The following SNTG1 variants were observed in gnomAD, a reference collection of about 807,000 sequenced individuals.
SNTG1 encodes syntrophin gamma 1.
SNTG1 carries 39 observed loss-of-function variants against 74.7 expected under a neutral mutation model. The ratio of observed to expected loss-of-function variants is 0.52; its 90% CI spans 0.40 to 0.68. SNTG1 has a LOEUF of 0.68. Among genes scored for constraint, SNTG1 ranks in the 30% least tolerant of loss-of-function variants. The probability of loss-of-function intolerance (pLI) is 0.00; values close to 1 mark genes in which losing one functional copy is unlikely to be tolerated. For missense variants in SNTG1, 685 were observed against 609.5 expected, an observed-to-expected ratio of 1.12 and a Z score of -1.30; for synonymous variants, 254 against 217.1, an observed-to-expected ratio of 1.17 and a Z score of -1.49.
At chr8:50,128,354 G>T (rs917943967) in intron 1 of SNTG1, among the ~76,000 whole-genome samples, 3 of 152,058 alleles carry the variant, frequency 2.0e-5, no homozygotes, top group African/African-American at 4.8e-5. Context: ...TGTAACAATG[G>T]TTCTTGTCTT....
intron 2 of SNTG1, among the ~76,000 whole-genome samples, chr8:50,202,559 T>G (rs1369633718): frequency 6.6e-6 from 1 of 152,194 alleles, no homozygotes; most frequent in Non-Finnish European, 1.5e-5. Flanking sequence ...ACTGTTCTAT[T>G]GCACAGATGA....
intron 2 of SNTG1, among the ~76,000 whole-genome samples, chr8:50,300,865 T>C (rs1388636877): frequency 6.6e-6 from 1 of 152,174 alleles, no homozygotes. Context: ...GACGTTTTTA[T>C]TTTCTTTTAA....
At chr8:50,304,448 G>A (rs1400444851) in intron 2 of SNTG1, among the ~76,000 whole-genome samples, 1 of 151,882 alleles carries the variant, frequency 6.6e-6, no homozygotes, top group African/African-American at 2.4e-5. Flanking sequence ...TAATTTTTTG[G>A]ATTAACTATA....
rs548382925 is a variant in SNTG1, at chr8:50,008,619, G to A, written c.-103+96388G>A. Among the ~76,000 whole-genome samples the A allele has an allele frequency of 2.1e-3, 325 of 152,244 alleles. 1 individual carries two copies. Among genetic ancestry groups the A allele is most frequent in the African/African-American group, 7.6e-3 (316 of 41,542 alleles). ...TGATGGATAGACAAATGGATGGATA[G>A]GAAACTGGGTGGATAAGAAACAAAG... is the stretch of plus-strand genomic sequence containing the variant. On this transcript the variant is annotated intron_variant, in intron 1 of 18. Coordinates refer to ENST00000642720, the MANE Select transcript of SNTG1 (RefSeq NM_018967.5).
chr8:50,795,869 CT>C lies in SNTG1; in HGVS notation c.*3046del, dbSNP rs1345726707. 6.6e-6 allele frequency: 1 copy of C among 151,974 alleles called. No homozygotes were observed. Among genetic ancestry groups the C allele is most frequent in the East Asian group, 1.9e-4 (1 of 5,180 alleles). The allele number at this position is 151,974 out of a possible 1,614,324, so 9.4% of individuals were successfully genotyped here. A position where few individuals can be genotyped will look rare whatever the true frequency, so the allele number is the denominator to read the frequency against. On this transcript the variant is annotated 3_prime_UTR_variant, in exon 19 of 19. Coordinates refer to ENST00000642720, the MANE Select transcript of SNTG1 (RefSeq NM_018967.5). ...AATGTATATCTGAACACTTATCCAG[CT>C]TTTTTAAAATGGGAGGATAATCAGG...
At chr8:50,176,709 G>C (rs940097567) in intron 2 of SNTG1, among the ~76,000 whole-genome samples, 68 of 152,282 alleles carry the variant, frequency 4.5e-4, no homozygotes, top group African/African-American at 1.5e-3. Context: ...AATGTATAAG[G>C]TCCAAATGAA....
intron 2 of SNTG1, among the ~76,000 whole-genome samples, chr8:50,383,352 A>T (rs2092520954): frequency 6.6e-6 from 1 of 152,210 alleles, no homozygotes; most frequent in Admixed American, 6.5e-5. Flanking sequence ...CTGTGATGTA[A>T]AATTAACTAT....
At chr8:50,016,286 C>A (rs988653338) in intron 1 of SNTG1, among the ~76,000 whole-genome samples, 6 of 152,036 alleles carry the variant, frequency 3.9e-5, no homozygotes, top group African/African-American at 1.4e-4. Context: ...GTTGTTGTTG[C>A]ATAGAATAAG....
intron 1 of SNTG1, among the ~76,000 whole-genome samples, chr8:50,013,621 AAC>A (rs1816036188): frequency 6.6e-6 from 1 of 152,054 alleles, no homozygotes; most frequent in Admixed American, 6.6e-5. Flanking sequence ...TTTTTAAACT[AAC>A]ACATAATAAT....
intron 17 of SNTG1, among the ~76,000 whole-genome samples, chr8:50,716,541 C>T (rs2095475428): frequency 6.6e-6 from 1 of 151,904 alleles, no homozygotes; most frequent in African/African-American, 2.4e-5. Context: ...TATTGCAAAA[C>T]GAACTCAGAC....
At chr8:50,489,411 A>G (rs2093829694) in intron 8 of SNTG1, among the ~76,000 whole-genome samples, 1 of 152,160 alleles carries the variant, frequency 6.6e-6, no homozygotes, top group African/African-American at 2.4e-5. Flanking sequence ...AAGTGTTCCT[A>G]TTTCTCCACA....
chr8:49,935,937 C>T (rs987915324), intron 1 of SNTG1, among the ~76,000 whole-genome samples: 20 of 152,214 alleles, frequency 1.3e-4, no homozygotes, highest in African/African-American at 3.6e-4. Context: ...TATCTGCGAT[C>T]TTCCCTCTGA....
chr8:50,563,143 C>T (rs1158812067), intron 12 of SNTG1, among the ~76,000 whole-genome samples: 1 of 152,134 alleles, frequency 6.6e-6, no homozygotes, highest in African/African-American at 2.4e-5. Flanking sequence ...GGCAACTGAT[C>T]CCTGAGAGTG....
intron 1 of SNTG1, among the ~76,000 whole-genome samples, chr8:49,936,974 C>A (rs1808137863): frequency 6.6e-6 from 1 of 152,088 alleles, no homozygotes; most frequent in Non-Finnish European, 1.5e-5. Flanking sequence ...CATGGTAAAA[C>A]CCCGTCTGTA....
At chr8:50,467,208 C>T (rs2093615408) in intron 8 of SNTG1, among the ~76,000 whole-genome samples, 6 of 151,848 alleles carry the variant, frequency 4.0e-5, no homozygotes, top group Admixed American at 3.9e-4. Flanking sequence ...GTTGCCTCTC[C>T]TTCTGTGTTC....
At chr8:50,702,836 G>A (rs1409127860) in intron 15 of SNTG1, among the ~76,000 whole-genome samples, 1 of 152,080 alleles carries the variant, frequency 6.6e-6, no homozygotes, top group Admixed American at 6.5e-5. Context: ...GCATATGACT[G>A]TATTGAATAC....
chr8:49,923,730 G>A (rs530039910), intron 1 of SNTG1, among the ~76,000 whole-genome samples: 1 of 152,210 alleles, frequency 6.6e-6, no homozygotes, highest in Admixed American at 6.5e-5. Flanking sequence ...GGCATCTGAT[G>A]AGTTACTTAG....
At chr8:49,991,097 A>C (rs1017433367) in intron 1 of SNTG1, among the ~76,000 whole-genome samples, 1 of 152,180 alleles carries the variant, frequency 6.6e-6, no homozygotes, top group African/African-American at 2.4e-5. Context: ...CTCAATAATA[A>C]AAAGACAATA....
chr8:50,423,221 A>G lies in SNTG1; in HGVS notation c.163-15322A>G, dbSNP rs1243210074. On this transcript the variant is annotated intron_variant, in intron 4 of 18. Coordinates refer to ENST00000642720, the MANE Select transcript of SNTG1 (RefSeq NM_018967.5). ...CAGGGAGATACAAGGAAAATCTTCA[A>G]ACACTTCACTAGAGTGTGAGCACCT... Among the ~76,000 whole-genome samples the G allele has an allele frequency of 3.9e-5, 6 of 152,320 alleles. No homozygotes were observed. In the Middle Eastern group the frequency reaches 0.01, roughly 259 times the overall value.
Sources: allele counts gnomAD v4.1 joint callset (sites outside exome capture counted in the v4.1 genomes callset), GRCh38; gene constraint gnomAD v4.1.1; transcripts MANE v1.5; gene names NCBI Gene and HGNC (gene_info 2026-07-23, HGNC 2026-07-21).